FMN2: variants seen among roughly 807,000 people sequenced by gnomAD.
FMN2 encodes the protein formin-2.
A neutral mutation model predicts 142.3 loss-of-function variants in FMN2; 51 were observed. The observed-to-expected ratio is 0.36, with a 90% confidence interval of 0.29 to 0.45. The LOEUF (loss-of-function observed/expected upper bound fraction) is 0.45, where lower values mean the gene tolerates loss of function less well. Ranked by LOEUF, FMN2 falls within the 20% of genes least tolerant of loss-of-function variation. FMN2 has a pLI of 1.00. For missense variants in FMN2, 1,936 were observed against 2,122.8 expected (o/e 0.91, Z 1.73); for synonymous variants, 882 against 869.8 (o/e 1.01, Z -0.25).
intron 7 of FMN2, among the ~76,000 whole-genome samples, chr1:240,264,705 A>G (rs1273113130): frequency 6.6e-6 from 1 of 152,204 alleles, no homozygotes; most frequent in African/African-American, 2.4e-5. Flanking sequence ...TGCAAATGAC[A>G]TGAACTTATT....
intron 13 of FMN2, among the ~76,000 whole-genome samples, chr1:240,343,846 A>G (rs1572213265): frequency 6.6e-6 from 1 of 152,120 alleles, no homozygotes; most frequent in Non-Finnish European, 1.5e-5. Context: ...GACAGGCAGG[A>G]AGATTCTGAG....
chr1:240,169,890 T>C (rs1238953504), intron 2 of FMN2, among the ~76,000 whole-genome samples: 2 of 152,204 alleles, frequency 1.3e-5, no homozygotes, highest in African/African-American at 2.4e-5. Flanking sequence ...AGGTGGGAGA[T>C]AGTACTTTAT....
At chr1:240,211,357 G>A in intron 6 of FMN2, 122 bp downstream of exon 6, 3 of 894,462 alleles carry the variant, frequency 3.4e-6, no homozygotes, top group Non-Finnish European at 3.5e-6. Flanking sequence ...TAGGCAGACA[G>A]CAAGGGTTAG....
intron 2 of FMN2, chr1:240,144,926 T>G (rs1300763798): frequency 4.5e-6 from 6 of 1,331,692 alleles, no homozygotes; most frequent in Middle Eastern, 3.6e-4. Flanking sequence ...TGATGCCAAT[T>G]CCTTCTGGGA....
At chr1:240,428,330 C>G (rs570402336) in intron 15 of FMN2, among the ~76,000 whole-genome samples, 9 of 151,842 alleles carry the variant, frequency 5.9e-5, no homozygotes, top group Non-Finnish European at 1.2e-4. Context: ...CCCCTGGGCT[C>G]AAGCAATCCT....
intron 7 of FMN2, among the ~76,000 whole-genome samples, chr1:240,292,633 T>A (rs1306437362): frequency 6.6e-6 from 1 of 152,166 alleles, no homozygotes; most frequent in Non-Finnish European, 1.5e-5. Flanking sequence ...AATCACAGAT[T>A]TTAAGGAAGG....
intron 2 of FMN2, chr1:240,171,339 A>G: frequency 1.5e-6 from 1 of 646,732 alleles, no homozygotes; most frequent in Non-Finnish European, 2.9e-6. Flanking sequence ...ATGTGATGGG[A>G]GCAGCCTAAC....
At chr1:240,094,155 A>G (rs1018328398) in intron 1 of FMN2, among the ~76,000 whole-genome samples, 2 of 152,174 alleles carry the variant, frequency 1.3e-5, no homozygotes, top group Non-Finnish European at 2.9e-5. Context: ...TGGAGGCACA[A>G]ATCATTTATT....
At chr1:240,319,682 G>A (rs1051143373) in intron 8 of FMN2, among the ~76,000 whole-genome samples, 2 of 152,088 alleles carry the variant, frequency 1.3e-5, no homozygotes, top group Non-Finnish European at 2.9e-5. Flanking sequence ...GCGAGGGAAG[G>A]TTTGTTAGTT....
intron 1 of FMN2, among the ~76,000 whole-genome samples, chr1:240,116,804 C>T (rs1206732575): frequency 6.6e-6 from 1 of 151,980 alleles, no homozygotes; most frequent in East Asian, 1.9e-4. Context: ...TGCTGCCCAG[C>T]AGCTTCTGGC....
intron 14 of FMN2, among the ~76,000 whole-genome samples, chr1:240,358,043 CT>C (rs1159374924): frequency 6.6e-6 from 1 of 152,154 alleles, no homozygotes; most frequent in Non-Finnish European, 1.5e-5. Flanking sequence ...AATGCTTCAC[CT>C]TTTTGCCATT....
intron 15 of FMN2, among the ~76,000 whole-genome samples, chr1:240,430,835 C>T (rs1370707829): frequency 6.6e-6 from 1 of 151,858 alleles, no homozygotes; most frequent in Non-Finnish European, 1.5e-5. Flanking sequence ...ATACCATACT[C>T]TATTAATGTA....
At chr1:240,441,098 G>A (rs754560685) in intron 16 of FMN2, among the ~76,000 whole-genome samples, 5 of 150,674 alleles carry the variant, frequency 3.3e-5, no homozygotes, top group East Asian at 2.0e-4. Context: ...AGGTTCAAGC[G>A]ATTCTCCTGC....
chr1:240,435,864 G>A (rs1375858959), intron 15 of FMN2, among the ~76,000 whole-genome samples: 1 of 152,202 alleles, frequency 6.6e-6, no homozygotes, highest in African/African-American at 2.4e-5. Flanking sequence ...ACCCAAACAG[G>A]TGGGCTTGCT....
chr1:240,190,797 T>C (rs907151734), intron 4 of FMN2, among the ~76,000 whole-genome samples: 1 of 152,238 alleles, frequency 6.6e-6, no homozygotes, highest in African/African-American at 2.4e-5. Flanking sequence ...CAGTTGGATG[T>C]CCAGATACAT....
chr1:240,360,859 A>AC (rs947013385), intron 14 of FMN2, among the ~76,000 whole-genome samples: 3 of 151,900 alleles, frequency 2.0e-5, no homozygotes, highest in Non-Finnish European at 4.4e-5. Flanking sequence ...TTCTCAGCAA[A>AC]CTATCGCAAG....
chr1:240,441,624 TTTAG>T (rs1260338439), intron 16 of FMN2, among the ~76,000 whole-genome samples: 4 of 151,468 alleles, frequency 2.6e-5, no homozygotes, highest in Non-Finnish European at 5.9e-5. Context: ...TTTTTTTTTT[TTTAG>T]TTAACCACTC....
intron 14 of FMN2, among the ~76,000 whole-genome samples, chr1:240,357,562 TACTA>T (rs1250128577): frequency 1.3e-5 from 2 of 152,016 alleles, no homozygotes; most frequent in Non-Finnish European, 2.9e-5. Context: ...TGCCCAGTCA[TACTA>T]ACTGTGTAAG....
intron 1 of FMN2, 146 bp from the exon 2 acceptor site, chr1:240,123,033 T>C (rs1662345017): frequency 8.4e-6 from 7 of 835,202 alleles, no homozygotes; most frequent in Non-Finnish European, 1.1e-5. Context: ...AGCTTTCTCC[T>C]AGCTTGAGAG....
Sources: allele counts gnomAD v4.1 joint callset (sites outside exome capture counted in the v4.1 genomes callset), GRCh38; gene constraint gnomAD v4.1.1; transcripts MANE v1.5; gene names NCBI Gene and HGNC (gene_info 2026-07-23, HGNC 2026-07-21).